Variants in ABCA10 observed in about 807,000 individuals in gnomAD.
ABCA10 encodes the protein ATP-binding cassette sub-family A member 10.
ABCA10 carries 169 observed loss-of-function variants against 187.5 expected under a neutral mutation model. The ratio of observed to expected loss-of-function variants is 0.90; its 90% CI spans 0.80 to 1.02. ABCA10 has a LOEUF of 1.02. Among genes scored for constraint, ABCA10 ranks in the 50% least tolerant of loss-of-function variants. The pLI, the probability that ABCA10 is intolerant of heterozygous loss-of-function variation, is 0.00. For missense variants in ABCA10, 1,727 were observed against 1,812.4 expected, an observed-to-expected ratio of 0.95 and a Z score of 0.86; for synonymous variants, 574 against 601.8, an observed-to-expected ratio of 0.95 and a Z score of 0.68.
chr17:69,201,873 C>T (rs1481400779), intron 9 of ABCA10, among the ~76,000 whole-genome samples: 1 of 152,210 alleles, frequency 6.6e-6, no homozygotes, highest in African/African-American at 2.4e-5. Flanking sequence ...CAACCTCCGC[C>T]TCCCAGGTTC....
At chr17:69,191,620 TACAC>T (rs1168498583) in intron 16 of ABCA10, among the ~76,000 whole-genome samples, 1 of 151,644 alleles carries the variant, frequency 6.6e-6, no homozygotes, top group Non-Finnish European at 1.5e-5. Context: ...CAAACACACA[TACAC>T]ACATGCAAAT....
intron 22 of ABCA10, among the ~76,000 whole-genome samples, chr17:69,176,830 C>T (rs1568056923): frequency 6.6e-6 from 1 of 152,112 alleles, no homozygotes; most frequent in South Asian, 2.1e-4. Flanking sequence ...CATGGTTGAC[C>T]AAGGGTAACT....
intron 5 of ABCA10, 97 bp downstream of exon 5, chr17:69,221,695 C>T (rs545377548): frequency 2.8e-6 from 3 of 1,088,966 alleles, no homozygotes; most frequent in Admixed American, 5.8e-5. Flanking sequence ...AAAGTATCAC[C>T]TCCTAAGAGT....
At chr17:69,163,257 G>A (rs1296303026) in intron 27 of ABCA10, among the ~76,000 whole-genome samples, 1 of 152,106 alleles carries the variant, frequency 6.6e-6, no homozygotes, top group Admixed American at 6.6e-5. Flanking sequence ...GAAGATTGAG[G>A]GGTGTCAAAA....
chr17:69,170,933 C>T (rs1218229760), intron 25 of ABCA10, among the ~76,000 whole-genome samples: 8 of 152,140 alleles, frequency 5.3e-5, no homozygotes, highest in Admixed American at 5.2e-4. Context: ...CTTTAAGAGA[C>T]TAAAATGAAA....
At position 69,153,551 on chromosome 17, in the gene ABCA10, C is replaced by CA. The variant is rs1188747038; in HGVS notation, c.3966-6dup. ...AGCTTAAGAGCTTCCACCAATCTGA[C>CA]AAAAAACAGTGTGATTATACATGAA... On this transcript the variant is annotated splice_region_variant and splice_polypyrimidine_tract_variant and intron_variant, in intron 32 of 38. Transcript: ENST00000690296. 2 of 1,612,838 alleles carry CA rather than the reference C, an allele frequency of 1.2e-6. No individual in the cohort carries two copies. Among genetic ancestry groups the CA allele is most frequent in the East Asian group, 4.5e-5 (2 of 44,876 alleles).
At chr17:69,182,055 G>T (rs937014704) in intron 22 of ABCA10, 98 bp downstream of exon 22, 9 of 1,225,954 alleles carry the variant, frequency 7.3e-6, no homozygotes, top group South Asian at 2.8e-5. Flanking sequence ...CTGTTAAGTG[G>T]CAGAAACAAG....
At position 69,228,593 on chromosome 17, in the gene ABCA10, A is replaced by G. The variant is rs946492516; in HGVS notation, c.-325T>C. ...AATTTTAACTTACAGTTAAGAAAAT[A>G]AGAGAGAAGTATTTGAAGCACTTGG... On this transcript the variant is annotated 5_prime_UTR_variant, in exon 1 of 39. Coordinates refer to ENST00000690296, the MANE Select transcript of ABCA10 (RefSeq NM_001377321.1). 4 of 152,038 alleles carry G rather than the reference A, an allele frequency of 2.6e-5. No homozygotes were observed. Among genetic ancestry groups the G allele is most frequent in the African/African-American group, 9.7e-5 (4 of 41,436 alleles). The allele number at this position is 152,038 out of a possible 1,614,324, so 9.4% of individuals were successfully genotyped here. A position where few individuals can be genotyped will look rare whatever the true frequency, so the allele number is the denominator to read the frequency against.
chr17:69,168,974 A>C (rs1347352205), intron 25 of ABCA10, among the ~76,000 whole-genome samples: 1 of 152,248 alleles, frequency 6.6e-6, no homozygotes, highest in Non-Finnish European at 1.5e-5. Context: ...GCAGTGTGAA[A>C]ACAGACTAAT....
rs1410698877 is a variant in ABCA10, at chr17:69,194,603, T to C, written c.1235-108A>G. The C allele has an allele frequency of 2.3e-5, 15 of 640,950 alleles. No homozygotes were observed. In the East Asian group the frequency reaches 4.2e-4, roughly 18 times the overall value. 39.7% of individuals were successfully genotyped at this position (640,950 alleles called of 1,614,324 possible). A position where few individuals can be genotyped will look rare whatever the true frequency, so the allele number is the denominator to read the frequency against. On this transcript the variant is annotated intron_variant, in intron 11 of 38. Coordinates refer to ENST00000690296, the MANE Select transcript of ABCA10 (RefSeq NM_001377321.1). ...TCTCAGCATTTCATTTCATTGGTAT[T>C]TTAATACATCCCCTATAAAATTATA...
At chr17:69,181,151 A>C (rs76969511) in intron 22 of ABCA10, among the ~76,000 whole-genome samples, 123 of 152,288 alleles carry the variant, frequency 8.1e-4, no homozygotes, top group African/African-American at 2.9e-3. Context: ...GTGGGTGTGT[A>C]TACATACATA....
In ABCA10 at chr17:69,182,736, T is replaced by C. The variant is rs907309314; in HGVS notation, c.2570A>G (p.Asn857Ser). The change falls in exon 21 of 39, where the codon AAC (asparagine) becomes AGC (serine). Residue 857 changes from asparagine (N) to serine (S), a missense_variant. Transcript: ENST00000690296. ...DIVLEIDDFR[N>S]RNGSDDPSYN... ...GGAGGGATCATCTGAGCCATTTCTGTTTCTAAAGTCATCTATTTCCAAAAC... is the reference window on the plus strand; with the variant it reads ...GGAGGGATCATCTGAGCCATTTCTGCTTCTAAAGTCATCTATTTCCAAAAC... The C allele has an allele frequency of 7.4e-6, 12 of 1,612,782 alleles. No individual in the cohort carries two copies. Among genetic ancestry groups the C allele is most frequent in the Non-Finnish European group, 1.0e-5 (12 of 1,179,570 alleles).
chr17:69,154,510 G>C (rs1170762208), intron 30 of ABCA10, among the ~76,000 whole-genome samples, 184 bp from the exon 31 acceptor site: 2 of 144,220 alleles, frequency 1.4e-5, no homozygotes, highest in African/African-American at 5.2e-5. Flanking sequence ...CTGCAGCCTT[G>C]ATCTCCTGGG....
intron 37 of ABCA10, 119 bp from the exon 38 acceptor site, chr17:69,149,207 A>G: frequency 1.9e-6 from 2 of 1,065,168 alleles, no homozygotes; most frequent in Non-Finnish European, 1.4e-6. Context: ...AGGCCAAATA[A>G]TTACATTTTC....
chr17:69,225,711 CACA>C (rs2074788534), intron 2 of ABCA10, among the ~76,000 whole-genome samples, 182 bp from the exon 3 acceptor site: 1 of 152,072 alleles, frequency 6.6e-6, no homozygotes, highest in Non-Finnish European at 1.5e-5. Context: ...TTCAAAAATA[CACA>C]ACTTTTGAGA....
chr17:69,164,290 G>A, intron 26 of ABCA10, 136 bp from the exon 27 acceptor site: 2 of 645,014 alleles, frequency 3.1e-6, no homozygotes, highest in Non-Finnish European at 4.9e-6. Context: ...GAGAAGAGTT[G>A]TTTTCTGATG....
At chr17:69,176,702 T>A (rs971378492) in intron 22 of ABCA10, among the ~76,000 whole-genome samples, 9 of 152,178 alleles carry the variant, frequency 5.9e-5, no homozygotes, top group Non-Finnish European at 1.5e-5. Flanking sequence ...CATTGGTTGA[T>A]GCACATATCT....
intron 10 of ABCA10, among the ~76,000 whole-genome samples, chr17:69,200,649 A>G (rs182018409): frequency 6.6e-6 from 1 of 152,348 alleles, no homozygotes; most frequent in East Asian, 1.9e-4. Flanking sequence ...TAACAGGCAT[A>G]TATGCTTAAT....
At chr17:69,151,774 A>C (rs1486856394) in intron 36 of ABCA10, among the ~76,000 whole-genome samples, 2 of 152,160 alleles carry the variant, frequency 1.3e-5, no homozygotes, top group Non-Finnish European at 2.9e-5. Flanking sequence ...ATTTGTCTGT[A>C]CTTTGTTCTT....
Sources: allele counts gnomAD v4.1 joint callset (sites outside exome capture counted in the v4.1 genomes callset), GRCh38; gene constraint gnomAD v4.1.1; transcripts MANE v1.5; gene names NCBI Gene and HGNC (gene_info 2026-07-23, HGNC 2026-07-21).